Variants in ERC2 observed in about 807,000 individuals in gnomAD.
The protein encoded by ERC2 is ELKS/RAB6-interacting/CAST family member 2, also known as ERC protein 2.
ERC2 carries 42 observed loss-of-function variants against 114.8 expected under a neutral mutation model. The ratio of observed to expected loss-of-function variants is 0.37; its 90% confidence interval spans 0.29 to 0.47. The LOEUF (loss-of-function observed/expected upper bound fraction) is 0.47. ERC2 is among the 20% of genes least tolerant of loss of function. ERC2 has a pLI of 0.99. For synonymous variants in ERC2, 454 were observed against 425.5 expected (o/e 1.07, Z -0.82); for missense variants, 939 against 1,150.7 (o/e 0.82, Z 2.66).
intron 14 of ERC2, among the ~76,000 whole-genome samples, chr3:55,784,314 A>T (rs529480458): frequency 1.5e-4 from 23 of 152,320 alleles, no homozygotes; most frequent in African/African-American, 5.1e-4. Flanking sequence ...AGGAGATTTA[A>T]TATTTACAGA....
intron 14 of ERC2, among the ~76,000 whole-genome samples, chr3:55,764,320 G>A (rs1032001009): frequency 1.3e-5 from 2 of 152,210 alleles, no homozygotes; most frequent in Non-Finnish European, 2.9e-5. Flanking sequence ...TTTGCTTCCA[G>A]GTGAGCATAG....
chr3:56,229,238 A>G (rs1000696271), intron 3 of ERC2, among the ~76,000 whole-genome samples: 7 of 152,176 alleles, frequency 4.6e-5, no homozygotes, highest in African/African-American at 1.7e-4. Context: ...TTCATATGTT[A>G]TTTATCAACA....
intron 14 of ERC2, among the ~76,000 whole-genome samples, chr3:55,804,678 T>C (rs1220867468): frequency 1.2e-4 from 19 of 152,242 alleles, no homozygotes; most frequent in Non-Finnish European, 1.5e-5. Context: ...TAAGCCTGTC[T>C]GTAACTCCGC....
chr3:55,655,858 G>A (rs1188913843), intron 17 of ERC2, among the ~76,000 whole-genome samples: 1 of 152,250 alleles, frequency 6.6e-6, no homozygotes, highest in Admixed American at 6.5e-5. Context: ...CACGTCAGGT[G>A]CCCTGCTAAA....
chr3:56,288,694 C>T (rs975963858), intron 3 of ERC2, among the ~76,000 whole-genome samples: 3 of 152,162 alleles, frequency 2.0e-5, no homozygotes, highest in Non-Finnish European at 4.4e-5. Context: ...TGTCAGATTA[C>T]AGAGAGAGCG....
chr3:56,306,586 CAT>C (rs1491361545), intron 2 of ERC2, among the ~76,000 whole-genome samples: 1 of 152,164 alleles, frequency 6.6e-6, no homozygotes, highest in Non-Finnish European at 1.5e-5. Flanking sequence ...GAGAAGCACT[CAT>C]GTGTAACATC....
chr3:55,758,932 G>A (rs2067235355), intron 14 of ERC2, among the ~76,000 whole-genome samples: 1 of 152,194 alleles, frequency 6.6e-6, no homozygotes, highest in South Asian at 2.1e-4. Flanking sequence ...GATTGCTAAG[G>A]TGAGGGTTAA....
At chr3:56,084,180 C>T (rs559540154) in intron 6 of ERC2, among the ~76,000 whole-genome samples, 4 of 152,086 alleles carry the variant, frequency 2.6e-5, no homozygotes, top group Non-Finnish European at 5.9e-5. Context: ...CTTATCCCAA[C>T]CAGAATAGCT....
chr3:56,000,787 A>G (rs1285579148), intron 10 of ERC2, among the ~76,000 whole-genome samples: 2 of 151,870 alleles, frequency 1.3e-5, no homozygotes, highest in East Asian at 3.9e-4. Flanking sequence ...GCACGGTGGC[A>G]CATGTTTGTA....
intron 10 of ERC2, among the ~76,000 whole-genome samples, chr3:55,994,377 G>A (rs1312703783): frequency 6.6e-6 from 1 of 151,872 alleles, no homozygotes; most frequent in East Asian, 1.9e-4. Context: ...TATTATTATA[G>A]TCCGTTTTTA....
intron 17 of ERC2, among the ~76,000 whole-genome samples, chr3:55,570,155 C>T (rs748430226): frequency 6.6e-6 from 1 of 152,082 alleles, no homozygotes; most frequent in Non-Finnish European, 1.5e-5. Context: ...TCATCATGCC[C>T]GACCCCCCAT....
intron 12 of ERC2, among the ~76,000 whole-genome samples, chr3:55,950,841 G>A (rs2067451281): frequency 6.6e-6 from 1 of 152,174 alleles, no homozygotes; most frequent in Admixed American, 6.5e-5. Flanking sequence ...AAGTACCAAG[G>A]AAACACAACT....
chr3:56,428,592 A>G (rs1006090821), intron 2 of ERC2, among the ~76,000 whole-genome samples: 7 of 152,016 alleles, frequency 4.6e-5, no homozygotes, highest in African/African-American at 1.7e-4. Context: ...AATTATTTGC[A>G]GTTATACAAA....
Position 56,452,620 on chromosome 3 carries a change from C to T in ERC2, c.-141+15628G>A, listed in dbSNP as rs80026176. Reference sequence around the variant, plus strand: ...AATTTAAGCCAACCCTGGGGTTCTACGAGAAATTATTTTCATTAAAAAAGA... The same window carrying T: ...AATTTAAGCCAACCCTGGGGTTCTATGAGAAATTATTTTCATTAAAAAAGA... On this transcript the variant is annotated intron_variant, in intron 1 of 17. Transcript: ENST00000288221. 5.9e-4 allele frequency among the ~76,000 whole-genome samples: 90 copies of T among 152,156 alleles called. 1 individual carries two copies. In the East Asian group the frequency reaches 0.015, roughly 26 times the overall value.
chr3:56,078,476 T>C lies in ERC2; in HGVS notation c.1641+2341A>G, dbSNP rs1370054804. On this transcript the variant is annotated intron_variant, in intron 7 of 17. Coordinates refer to ENST00000288221, the MANE Select transcript of ERC2 (RefSeq NM_015576.3). ...CAGAGTTTAAGAAAGATTACAGAAC[T>C]CACTTATGAAAAGACAAAATCATGG... Among the ~76,000 whole-genome samples the C allele has an allele frequency of 3.9e-5, 6 of 152,156 alleles. No homozygotes were observed. The East Asian group carries it at 1.2e-3, about 29-fold the overall frequency.
chr3:55,777,229 T>G (rs375376146), intron 14 of ERC2, among the ~76,000 whole-genome samples: 37 of 152,202 alleles, frequency 2.4e-4, no homozygotes, highest in Admixed American at 9.8e-4. Context: ...ACATCTGGCT[T>G]CAGTGTGGCA....
chr3:56,293,859 C>A (rs776991118), intron 3 of ERC2, among the ~76,000 whole-genome samples: 1 of 152,164 alleles, frequency 6.6e-6, no homozygotes, highest in Non-Finnish European at 1.5e-5. Flanking sequence ...TAAATGGAGG[C>A]AGCCACATAA....
chr3:56,152,098 G>C (rs1276669262), intron 4 of ERC2, among the ~76,000 whole-genome samples: 2 of 152,142 alleles, frequency 1.3e-5, no homozygotes, highest in Admixed American at 1.3e-4. Flanking sequence ...ATATAATGTA[G>C]AGTAGCTTTT....
At chr3:55,687,749 G>GAA (rs2062409654) in intron 16 of ERC2, among the ~76,000 whole-genome samples, 1 of 152,236 alleles carries the variant, frequency 6.6e-6, no homozygotes, top group Non-Finnish European at 1.5e-5. Context: ...CACAAGTCAT[G>GAA]AAAGCAAGAT....
Sources: allele counts gnomAD v4.1 joint callset (sites outside exome capture counted in the v4.1 genomes callset), GRCh38; gene constraint gnomAD v4.1.1; transcripts MANE v1.5; gene names NCBI Gene and HGNC (gene_info 2026-07-23, HGNC 2026-07-21).